Variants in OR14J1 observed in about 807,000 individuals in gnomAD.
OR14J1 encodes olfactory receptor family 14 subfamily J member 1.
For synonymous variants in OR14J1, 140 were observed against 146.7 expected (o/e 0.95, Z 0.33); for missense variants, 378 against 393.4 (o/e 0.96, Z 0.33).
At position 29,309,730 on chromosome 6, in the gene OR14J1, C is replaced by T. The variant is rs1373456090; in HGVS notation, c.*2075C>T. The T allele has an allele frequency of 6.6e-6, 1 of 151,990 alleles. No homozygotes were observed. 9.4% of individuals were successfully genotyped at this position (151,990 alleles called of 1,614,324 possible). On this transcript the variant is annotated 3_prime_UTR_variant, in exon 2 of 2. Transcript: ENST00000641895. Reference sequence around the variant, plus strand: ...GGGGCATTGGCTCATGCCTGTAATCCCAGCATTTTAGGGGGCCGCAGCAGG... The same window carrying T: ...GGGGCATTGGCTCATGCCTGTAATCTCAGCATTTTAGGGGGCCGCAGCAGG...
chr6:29,310,489 A>T lies in OR14J1; in HGVS notation c.*2834A>T, dbSNP rs1775429863. On this transcript the variant is annotated 3_prime_UTR_variant, in exon 2 of 2. Transcript: ENST00000641895. Reference sequence around the variant, plus strand: ...TGGTCTATATATCTGTTTTGGCACCAGTAACATGCTGTTTTGGTTACTGTA... The same window carrying T: ...TGGTCTATATATCTGTTTTGGCACCTGTAACATGCTGTTTTGGTTACTGTA... 1 of 152,354 alleles carries T rather than the reference A, an allele frequency of 6.6e-6. No individual in the cohort carries two copies. The highest frequency in any genetic ancestry group is 1.9e-4 in the East Asian group (1 of 5,186). The allele number at this position is 152,354 out of a possible 1,614,324, so 9.4% of individuals were successfully genotyped here. A position where few individuals can be genotyped will look rare whatever the true frequency, so the allele number is the denominator to read the frequency against.
In OR14J1 at chr6:29,312,392, C is replaced by T. The variant is rs1450233606; in HGVS notation, c.*4737C>T. Reference sequence around the variant, plus strand: ...AGGGAATCTACTGTTCTGTGGTTTGCGAAATCCATGGGAAAAGCGTAGTAT... The same window carrying T: ...AGGGAATCTACTGTTCTGTGGTTTGTGAAATCCATGGGAAAAGCGTAGTAT... On this transcript the variant is annotated 3_prime_UTR_variant, in exon 2 of 2. Transcript: ENST00000641895. 4 of 171,056 alleles carry T rather than the reference C, an allele frequency of 2.3e-5. No homozygotes were observed. Among genetic ancestry groups the T allele is most frequent in the Admixed American group, 1.2e-4 (2 of 16,142 alleles). 10.6% of individuals were successfully genotyped at this position (171,056 alleles called of 1,614,324 possible). A position where few individuals can be genotyped will look rare whatever the true frequency, so the allele number is the denominator to read the frequency against.
chr6:29,302,240 G>A (rs563996318), intron 1 of OR14J1, among the ~76,000 whole-genome samples: 3 of 143,254 alleles, frequency 2.1e-5, no homozygotes, highest in East Asian at 4.1e-4. Context: ...GTGCAGTGGC[G>A]CGACCTTGGC....
rs1429419770 is a variant in OR14J1 at position 29,310,096 on chromosome 6, T to C, written c.*2441T>C. ...ACTCTGCTGATGATTTCTTTTCCTG[T>C]GCAGAAGCTCTTTAGTTTAATTTGA... On this transcript the variant is annotated 3_prime_UTR_variant, in exon 2 of 2. Coordinates refer to ENST00000641895, the MANE Select transcript of OR14J1 (RefSeq NM_030946.2). The C allele has an allele frequency of 6.6e-6, 1 of 152,258 alleles. No homozygotes were observed. The highest frequency in any genetic ancestry group is 6.5e-5 in the Admixed American group (1 of 15,286). The allele number at this position is 152,258 out of a possible 1,614,324, so 9.4% of individuals were successfully genotyped here. A position where few individuals can be genotyped will look rare whatever the true frequency, so the allele number is the denominator to read the frequency against.
intron 1 of OR14J1, among the ~76,000 whole-genome samples, chr6:29,303,731 T>TCTATCTATC (rs1554297279): frequency 0.053 from 7,743 of 146,544 alleles, 211 homozygotes; most frequent in East Asian, 0.073. Context: ...TCTATCTATC[T>TCTATCTATC]ATCATCTATC....
Position 29,307,661 on chromosome 6 carries a change from C to A in OR14J1, c.*6C>A, listed in dbSNP as rs778060025. On this transcript the variant is annotated 3_prime_UTR_variant, in exon 2 of 2. Coordinates refer to ENST00000641895, the MANE Select transcript of OR14J1 (RefSeq NM_030946.2). ...AAGCCATGTTTAAACTCTGAAGAAC[C>A]ATACAAATGAAAGGCATTGTTATTA... The A allele has an allele frequency of 4.0e-6, 6 of 1,491,240 alleles. No individual in the cohort carries two copies. The Admixed American group carries it at 1.1e-4, about 28-fold the overall frequency. 92.4% of individuals were successfully genotyped at this position (1,491,240 alleles called of 1,614,324 possible).
At position 29,307,718 on chromosome 6, in the gene OR14J1, T is replaced by C. The variant is rs905991447; in HGVS notation, c.*63T>C. On this transcript the variant is annotated 3_prime_UTR_variant, in exon 2 of 2. Coordinates refer to ENST00000641895, the MANE Select transcript of OR14J1 (RefSeq NM_030946.2). ...AGATTGGAAGAGAGGTGAATCTTAT[T>C]TCTACCCAGAATGCTCTTCCAAGCT... 23 of 956,102 alleles carry C rather than the reference T, an allele frequency of 2.4e-5. No individual in the cohort carries two copies. The highest frequency in any genetic ancestry group is 9.6e-5 in the East Asian group (4 of 41,798). 59.2% of individuals were successfully genotyped at this position (956,102 alleles called of 1,614,324 possible).
At position 29,309,349 on chromosome 6, in the gene OR14J1, T is replaced by C. The variant is rs1403606657; in HGVS notation, c.*1694T>C. The C allele has an allele frequency of 1.3e-5, 2 of 152,216 alleles. No homozygotes were observed. Among genetic ancestry groups the C allele is most frequent in the Non-Finnish European group, 2.9e-5 (2 of 68,044 alleles). 9.4% of individuals were successfully genotyped at this position (152,216 alleles called of 1,614,324 possible). A position where few individuals can be genotyped will look rare whatever the true frequency, so the allele number is the denominator to read the frequency against. On this transcript the variant is annotated 3_prime_UTR_variant, in exon 2 of 2. Transcript: ENST00000641895. ...AACAGTGCCACAATAAACATACGTGTGCATGTGTCTTTATAGTAGAATGAT... is the reference window on the plus strand; with the variant it reads ...AACAGTGCCACAATAAACATACGTGCGCATGTGTCTTTATAGTAGAATGAT...
intron 1 of OR14J1, among the ~76,000 whole-genome samples, chr6:29,306,274 A>G (rs375372819): frequency 1.3e-5 from 2 of 152,212 alleles, no homozygotes; most frequent in East Asian, 1.9e-4. Context: ...GGTGGTATCA[A>G]TAACTTCATG....
Position 29,307,528 on chromosome 6 carries a change from C to T in OR14J1, c.839C>T (p.Pro280Leu), listed in dbSNP as rs1411653675. ...LVFSVFYTVIPPTLNPVIYSL... is the reference protein window; with the variant it reads ...LVFSVFYTVILPTLNPVIYSL... Reference sequence around the variant, plus strand: ...TTCTCCGTATTCTATACTGTGATACCTCCAACACTCAATCCAGTCATTTAT... The same window carrying T: ...TTCTCCGTATTCTATACTGTGATACTTCCAACACTCAATCCAGTCATTTAT... Residue 280 changes from proline to leucine, a missense_variant, in exon 2 of 2, where the codon CCT becomes CTT. Physicochemically the swap from Pro to Leu is moderately conservative, Grantham distance 98. Transcript: ENST00000641895. The T allele has an allele frequency of 1.2e-6, 2 of 1,612,830 alleles. No individual in the cohort carries two copies. The highest frequency in any genetic ancestry group is 1.1e-5 in the South Asian group (1 of 91,068).
Position 29,310,247 on chromosome 6 carries a change from T to A in OR14J1, c.*2592T>A, listed in dbSNP as rs1775411971. 1 of 152,228 alleles carries A rather than the reference T, an allele frequency of 6.6e-6. No homozygotes were observed. The highest frequency in any genetic ancestry group is 1.5e-5 in the Non-Finnish European group (1 of 68,040). 9.4% of individuals were successfully genotyped at this position (152,228 alleles called of 1,614,324 possible). A position where few individuals can be genotyped will look rare whatever the true frequency, so the allele number is the denominator to read the frequency against. ...CTTCTTGGGTTTTTATGGTTTTAGG[T>A]CTTACGTTTAAGTCTTTAATCCATC... On this transcript the variant is annotated 3_prime_UTR_variant, in exon 2 of 2. Transcript: ENST00000641895.
rs1247621941 is a variant in OR14J1, at chr6:29,306,903, A to G, written c.214A>G (p.Ile72Val). 2 of 1,613,028 alleles carry G rather than the reference A, an allele frequency of 1.2e-6. No homozygotes were observed. Among genetic ancestry groups the G allele is most frequent in the Non-Finnish European group, 8.5e-7 (1 of 1,179,998 alleles). Residue 72 changes from isoleucine (I) to valine (V), a missense_variant, in exon 2 of 2, where the codon ATC becomes GTC. Physicochemically the swap from Ile to Val is conservative, Grantham distance 29 (BLOSUM62 3). Transcript: ENST00000641895. ...CCTCTCTCTTCTGGACCTCTGCTTCATCTCTGTCACAGTCCCCCAGTCCAT... is the reference window on the plus strand; with the variant it reads ...CCTCTCTCTTCTGGACCTCTGCTTCGTCTCTGTCACAGTCCCCCAGTCCAT... Reference protein sequence around the residue: ...KHLSLLDLCFISVTVPQSIAN... With the variant: ...KHLSLLDLCFVSVTVPQSIAN...
Position 29,309,692 on chromosome 6 carries a change from T to C in OR14J1, c.*2037T>C, listed in dbSNP as rs1266285864. ...CACATAAATGTCTTATTTTAAAAAG[T>C]GTCTGTCAGGCCGGGGCATTGGCTC... On this transcript the variant is annotated 3_prime_UTR_variant, in exon 2 of 2. Transcript: ENST00000641895. 1.3e-5 allele frequency: 2 copies of C among 152,310 alleles called. No individual in the cohort carries two copies. The highest frequency in any genetic ancestry group is 2.1e-4 in the South Asian group (1 of 4,828). The allele number at this position is 152,310 out of a possible 1,614,324, so 9.4% of individuals were successfully genotyped here.
At position 29,312,424 on chromosome 6, in the gene OR14J1, TG is replaced by T; in HGVS notation, c.*4771del. On this transcript the variant is annotated 3_prime_UTR_variant, in exon 2 of 2. Coordinates refer to ENST00000641895, the MANE Select transcript of OR14J1 (RefSeq NM_030946.2). ...CATGGGAAAAGCGTAGTATCTGGGC[TG>T]GAGTGCACTGTTCCTCATGGCTCAG... The T allele has an allele frequency of 5.7e-6, 1 of 176,546 alleles. No individual in the cohort carries two copies. Among genetic ancestry groups the T allele is most frequent in the Non-Finnish European group, 1.2e-5 (1 of 86,802 alleles). 10.9% of individuals were successfully genotyped at this position (176,546 alleles called of 1,614,324 possible).
chr6:29,305,818 A>T lies in OR14J1; in HGVS notation c.-28-844A>T, dbSNP rs188744537. Among the ~76,000 whole-genome samples, 654 of 151,910 alleles carry T rather than the reference A, an allele frequency of 4.3e-3. 2 individuals carry two copies. The highest frequency in any genetic ancestry group is 0.015 in the African/African-American group (611 of 41,438). ...GTCCTAGAAAGAAATATATATATAT[A>T]TTTTTTCATTCAGGAACTCACAATG... On this transcript the variant is annotated intron_variant, in intron 1 of 1. Coordinates refer to ENST00000641895, the MANE Select transcript of OR14J1 (RefSeq NM_030946.2).
rs1775180506 is a variant in OR14J1 at position 29,307,370 on chromosome 6, A to G, written c.681A>G (p.Pro227=). 1 of 1,612,976 alleles carries G rather than the reference A, an allele frequency of 6.2e-7. No individual in the cohort carries two copies. The highest frequency in any genetic ancestry group is 8.5e-7 in the Non-Finnish European group (1 of 1,179,990). The change falls in exon 2 of 2, where the codon CCA becomes CCG. Residue 227 remains proline (P), a synonymous_variant. Coordinates refer to ENST00000641895, the MANE Select transcript of OR14J1 (RefSeq NM_030946.2). The part of the protein sequence containing the change: ...IRIFSTVLRI[P]SAEGRTKVFS... Reference sequence around the variant, plus strand: ...TCTTCTCTACAGTGCTGAGAATCCCATCAGCTGAGGGCCGGACCAAGGTCT... The same window carrying G: ...TCTTCTCTACAGTGCTGAGAATCCCGTCAGCTGAGGGCCGGACCAAGGTCT...
At chr6:29,305,160 G>C (rs958594623) in intron 1 of OR14J1, among the ~76,000 whole-genome samples, 1 of 151,956 alleles carries the variant, frequency 6.6e-6, no homozygotes. Context: ...AGGGATTAAG[G>C]GCCCTTCCAG....
chr6:29,306,572 T>C (rs112250320), intron 1 of OR14J1, 90 bp from the exon 2 acceptor site: 17 of 680,696 alleles, frequency 2.5e-5, no homozygotes, highest in African/African-American at 2.1e-4. Context: ...CTCATTTCAG[T>C]ACCTCCTTGC....
At chr6:29,302,179 C>CTTTTTTTTTTTTTTTTTTTT (rs1157949122) in intron 1 of OR14J1, among the ~76,000 whole-genome samples, 20 of 102,050 alleles carry the variant, frequency 2.0e-4, no homozygotes, top group Non-Finnish European at 3.1e-4. Context: ...TTTTTTTTTT[C>CTTTTTTTTTTTTTTTTTTTT]TTTTTTTTTT....
Sources: gnomAD v4.1 joint callset for allele counts (sites outside exome capture counted in the v4.1 genomes callset) on GRCh38, gnomAD v4.1.1 for gene constraint, MANE v1.5 for transcripts, NCBI Gene and HGNC (gene_info 2026-07-23, HGNC 2026-07-21) for gene names.